Variants in KMT2A observed in about 807,000 individuals in gnomAD.
KMT2A encodes lysine methyltransferase 2A.
KMT2A carries 16 observed loss-of-function variants against 345.3 expected under a neutral mutation model. That is an observed-to-expected ratio of 0.05 (90% CI 0.03 to 0.07). KMT2A has a LOEUF of 0.07. Among genes scored for constraint, KMT2A ranks in the 10% least tolerant of loss-of-function variants. KMT2A has a pLI of 1.00. For synonymous variants in KMT2A, 1,599 were observed against 1,778.6 expected (o/e 0.90, Z 2.54); for missense variants, 3,272 against 4,841.6 (o/e 0.68, Z 9.62).
rs1451345176 is a variant in KMT2A at position 118,497,044 on chromosome 11, G to T, written c.5664+677G>T. Among the ~76,000 whole-genome samples, 1 of 151,736 alleles carries T rather than the reference G, an allele frequency of 6.6e-6. No homozygotes were observed. Among genetic ancestry groups the T allele is most frequent in the Non-Finnish European group, 1.5e-5 (1 of 67,952 alleles). On this transcript the variant is annotated intron_variant, in intron 20 of 35. Coordinates refer to ENST00000534358, the MANE Select transcript of KMT2A (RefSeq NM_001197104.2). The surrounding 1 kb of genome is among the most constrained non-coding windows in gnomAD (Gnocchi z 4.8). Reference sequence around the variant, plus strand: ...CCCAGGCTGGAGTTTCGCTCTTGTTGCCCAGGCTGGAGTGCAATGGCGTGA... The same window carrying T: ...CCCAGGCTGGAGTTTCGCTCTTGTTTCCCAGGCTGGAGTGCAATGGCGTGA...
Position 118,496,684 on chromosome 11 carries a change from A to T in KMT2A, c.5664+317A>T, listed in dbSNP as rs76550494. On this transcript the variant is annotated intron_variant, in intron 20 of 35. Transcript: ENST00000534358. This position sits in a 1 kb window ranked among gnomAD's most constrained non-coding sequence, Gnocchi z 4.7. ...CAAGAATATTTTGTGAAAGTTAATAAAATCTAAGTTGCATATTAAAAAGCT... is the reference window on the plus strand; with the variant it reads ...CAAGAATATTTTGTGAAAGTTAATATAATCTAAGTTGCATATTAAAAAGCT... Among the ~76,000 whole-genome samples the T allele has an allele frequency of 1.6e-3, 250 of 152,298 alleles. No individual in the cohort carries two copies. Among genetic ancestry groups the T allele is most frequent in the African/African-American group, 5.9e-3 (245 of 41,556 alleles).
At chr11:118,457,942 A>G (rs1217335249) in intron 1 of KMT2A, among the ~76,000 whole-genome samples, 2 of 152,020 alleles carry the variant, frequency 1.3e-5, no homozygotes, top group South Asian at 4.1e-4. Context: ...GCTGTCCTTT[A>G]TCTCTGTTTT....
At chr11:118,479,125 TA>T in intron 5 of KMT2A, among the ~76,000 whole-genome samples, 1 of 152,260 alleles carries the variant, frequency 6.6e-6, no homozygotes, top group Non-Finnish European at 1.5e-5. Context: ...CAGTCATTTT[TA>T]AATGTACAAT....
rs1950150684 is a variant in KMT2A at position 118,482,428 on chromosome 11, A to G, written c.4019A>G (p.Glu1340Gly). Residue 1340 changes from glutamate (E) to glycine (G), a missense_variant, in exon 8 of 36, where the codon GAG becomes GGG. This residue lies in a region of KMT2A where 168 missense variants were observed against 216.0 expected (regional missense o/e 0.78). Coordinates refer to ENST00000534358, the MANE Select transcript of KMT2A (RefSeq NM_001197104.2). Reference sequence around the variant, plus strand: ...TTTATTCTGAATTTTTTAGGTCCAGAGCAGAGCAAACAGAAAAAAGTGGCT... The same window carrying G: ...TTTATTCTGAATTTTTTAGGTCCAGGGCAGAGCAAACAGAAAAAAGTGGCT... ...KQPPPPESGP[E>G]QSKQKKVAPR... is the part of the protein sequence containing the mutation. 1.2e-6 allele frequency: 2 copies of G among 1,612,996 alleles called. No homozygotes were observed. Among genetic ancestry groups the G allele is most frequent in the African/African-American group, 1.3e-5 (1 of 74,720 alleles).
rs1187564815 is a variant in KMT2A at position 118,504,976 on chromosome 11, C to T, written c.9084C>T (p.Asn3028=). The T allele has an allele frequency of 5.0e-6, 8 of 1,614,042 alleles. No homozygotes were observed. The highest frequency in any genetic ancestry group is 6.8e-6 in the Non-Finnish European group (8 of 1,180,014). The part of the protein sequence containing the change: ...GHGNNQDLTR[N]SSTPGLQVPV... ...GCAACAATCAGGATTTAACTAGGAA[C>T]AGTAGCACCCCTGGCCTTCAGGTAC... The change falls in exon 27 of 36, where the codon AAC becomes AAT. Residue 3028 remains asparagine, a synonymous_variant. Transcript: ENST00000534358. The surrounding 1 kb of genome is among the most constrained non-coding windows in gnomAD (Gnocchi z 6.4).
chr11:118,496,787 G>C lies in KMT2A; in HGVS notation c.5664+420G>C, dbSNP rs1419785380. The stretch of plus-strand genomic sequence containing the variant: ...CCTGAATACATTTCTGTGCTTAACT[G>C]CCTACTTATTGACTTTGGCAAGTAG... On this transcript the variant is annotated intron_variant, in intron 20 of 35. Coordinates refer to ENST00000534358, the MANE Select transcript of KMT2A (RefSeq NM_001197104.2). This position sits in a 1 kb window ranked among gnomAD's most constrained non-coding sequence, Gnocchi z 4.7. Among the ~76,000 whole-genome samples the C allele has an allele frequency of 1.3e-5, 2 of 149,690 alleles. No individual in the cohort carries two copies. The highest frequency in any genetic ancestry group is 6.6e-5 in the Admixed American group (1 of 15,186).
Position 118,473,198 on chromosome 11 carries a change from C to T in KMT2A, c.2039C>T (p.Ser680Leu), listed in dbSNP as rs1264831726. The T allele has an allele frequency of 6.2e-7, 1 of 1,613,396 alleles. No individual in the cohort carries two copies. Among genetic ancestry groups the T allele is most frequent in the Non-Finnish European group, 8.5e-7 (1 of 1,179,770 alleles). Residue 680 changes from serine (S) to leucine (L), a missense_variant, in exon 3 of 36, where the codon TCG (serine) becomes TTG (leucine). Ser to Leu is a moderately radical substitution (Grantham distance 145). Around this residue, in one of 27 missense-constraint regions of KMT2A, gnomAD observed 114 missense variants for 203.2 expected, o/e 0.56. Coordinates refer to ENST00000534358, the MANE Select transcript of KMT2A (RefSeq NM_001197104.2). This position sits in a 1 kb window ranked among gnomAD's most constrained non-coding sequence, Gnocchi z 5.2. Reference sequence around the variant, plus strand: ...ACCGCTGCTTCAGCCCGATTGTTTTCGCCACTCCATTCTGGAACAAGGTTT... The same window carrying T: ...ACCGCTGCTTCAGCCCGATTGTTTTTGCCACTCCATTCTGGAACAAGGTTT... ...SGTAASARLF[S>L]PLHSGTRFDM...
rs1429460655 is a variant in KMT2A, at chr11:118,506,429, A to G, written c.10537A>G (p.Thr3513Ala). The G allele has an allele frequency of 6.2e-7, 1 of 1,613,812 alleles. No homozygotes were observed. Among genetic ancestry groups the G allele is most frequent in the Non-Finnish European group, 8.5e-7 (1 of 1,179,984 alleles). The change falls in exon 27 of 36, where the codon ACC becomes GCC. Residue 3513 changes from threonine (T) to alanine (A), a missense_variant. Coordinates refer to ENST00000534358, the MANE Select transcript of KMT2A (RefSeq NM_001197104.2). ...ALSSAVQASP[T>A]SPGGSPSSPS... ...ATCCTCAGCTGTGCAAGCCAGCCCC[A>G]CCTCTCCTGGGGGTTCTCCATCCTC...
At chr11:118,482,618 T>C in intron 8 of KMT2A, 123 bp downstream of exon 8, 1 of 705,248 alleles carries the variant, frequency 1.4e-6, no homozygotes, top group Non-Finnish European at 2.3e-6. Context: ...AACTTCAAGT[T>C]TAGGCTTTTA....
At chr11:118,477,865 A>G (rs1294800299) in intron 4 of KMT2A, 102 bp from the exon 5 acceptor site, 2 of 757,310 alleles carry the variant, frequency 2.6e-6, no homozygotes, top group Non-Finnish European at 4.4e-6. Context: ...TGAGTTCTGT[A>G]TATAAATATT....
chr11:118,456,661 A>G lies in KMT2A; in HGVS notation c.433-12114A>G, dbSNP rs568317760. 7.2e-5 allele frequency among the ~76,000 whole-genome samples: 11 copies of G among 152,300 alleles called. No homozygotes were observed. In the South Asian group the frequency reaches 1.9e-3, roughly 26 times the overall value. ...CATGCCTATATATTTCTAAGTATGT[A>G]GGTATTCCTCAGAACTCTGCCATCT... is the stretch of plus-strand genomic sequence containing the variant. On this transcript the variant is annotated intron_variant, in intron 1 of 35. Coordinates refer to ENST00000534358, the MANE Select transcript of KMT2A (RefSeq NM_001197104.2).
intron 28 of KMT2A, 26 bp downstream of exon 28, chr11:118,507,635 G>A: frequency 6.3e-7 from 1 of 1,579,666 alleles, no homozygotes; most frequent in Non-Finnish European, 8.7e-7. Flanking sequence ...CGTCTTTTAA[G>A]ACTAAGCTCT....
At chr11:118,442,750 A>G (rs1949340065) in intron 1 of KMT2A, among the ~76,000 whole-genome samples, 1 of 152,242 alleles carries the variant, frequency 6.6e-6, no homozygotes, top group African/African-American at 2.4e-5. Flanking sequence ...GGAATTGTCT[A>G]GGCTTCTAGA....
At position 118,502,377 on chromosome 11, in the gene KMT2A, T is replaced by C; in HGVS notation, c.6506-21T>C. On this transcript the variant is annotated intron_variant, in intron 26 of 35. Transcript: ENST00000534358. The surrounding 1 kb of genome is among the most constrained non-coding windows in gnomAD (Gnocchi z 4.9). ...TTGTTCTATCTACAATAGCATTTAT[T>C]ACTTTTTCTCTCTTGTTTAGGAAGT... The C allele has an allele frequency of 6.5e-7, 1 of 1,535,994 alleles. No individual in the cohort carries two copies. Among genetic ancestry groups the C allele is most frequent in the African/African-American group, 1.4e-5 (1 of 72,342 alleles).
Position 118,489,919 on chromosome 11 carries a change from GAACC to G in KMT2A, c.4575+34_4575+37del, listed in dbSNP as rs782236930. Reference sequence around the variant, plus strand: ...TATACACATGATGCTCTTTTATAGAGAACCACCATGTGACTATTGGACTTATGTA... The same window carrying G: ...TATACACATGATGCTCTTTTATAGAGACCATGTGACTATTGGACTTATGTA... On this transcript the variant is annotated intron_variant, in intron 12 of 35. Coordinates refer to ENST00000534358, the MANE Select transcript of KMT2A (RefSeq NM_001197104.2). 90 of 1,566,612 alleles carry G rather than the reference GAACC, an allele frequency of 5.7e-5. 2 individuals are homozygous for G. Among genetic ancestry groups the G allele is most frequent in the South Asian group, 3.2e-4 (29 of 90,028 alleles).
intron 27 of KMT2A, among the ~76,000 whole-genome samples, chr11:118,507,240 T>C (rs528399568): frequency 3.9e-5 from 6 of 152,138 alleles, no homozygotes; most frequent in African/African-American, 1.2e-4. Flanking sequence ...AGAGGCTAAA[T>C]GATCCATGGT....
chr11:118,489,599 T>C (rs560933520), intron 11 of KMT2A, among the ~76,000 whole-genome samples, 193 bp from the exon 12 acceptor site: 5 of 152,338 alleles, frequency 3.3e-5, no homozygotes, highest in African/African-American at 1.2e-4. Context: ...TGAATACTCA[T>C]CACTGAGTGC....
intron 1 of KMT2A, among the ~76,000 whole-genome samples, chr11:118,463,316 A>T (rs1949782243): frequency 6.6e-6 from 1 of 152,118 alleles, no homozygotes; most frequent in South Asian, 2.1e-4. Context: ...CCTATTGATT[A>T]TTATATGTAT....
chr11:118,449,354 T>TC (rs1242424817), intron 1 of KMT2A: 1 of 151,580 alleles, frequency 6.6e-6, no homozygotes, highest in Non-Finnish European at 1.5e-5. Context: ...GGCCAGGAGT[T>TC]CAAGACTAGC....
Sources: gnomAD v4.1 joint callset for allele counts (sites outside exome capture counted in the v4.1 genomes callset) on GRCh38, gnomAD v4.1.1 for gene constraint, gnomAD v4.1.1 regional missense constraint, Gnocchi (gnomAD v3.1) non-coding constraint, MANE v1.5 for transcripts, NCBI Gene and HGNC (gene_info 2026-07-23, HGNC 2026-07-21) for gene names.